The following CNTNAP2 variants were observed in gnomAD, a reference collection of about 807,000 sequenced individuals.
CNTNAP2 encodes contactin-associated protein-like 2.
Under a neutral mutation model 155.2 loss-of-function variants are expected in CNTNAP2, and 98 were observed. The observed-to-expected ratio is 0.63, with a 90% CI of 0.54 to 0.75. The LOEUF (loss-of-function observed/expected upper bound fraction) is 0.75, where lower values mean the gene tolerates loss of function less well. Among genes scored for constraint, CNTNAP2 ranks in the 30% least tolerant of loss-of-function variants. The pLI is 0.00. For synonymous variants in CNTNAP2, 651 were observed against 631.2 expected (o/e 1.03, Z -0.47); for missense variants, 1,727 against 1,688.1 (o/e 1.02, Z -0.40).
intron 13 of CNTNAP2, among the ~76,000 whole-genome samples, chr7:147,665,930 C>T (rs1004859322): frequency 6.6e-6 from 1 of 152,148 alleles, no homozygotes; most frequent in African/African-American, 2.4e-5. Context: ...ACATCACTAT[C>T]AGCAGAGGAT....
intron 1 of CNTNAP2, among the ~76,000 whole-genome samples, chr7:146,534,686 A>T (rs933910383): frequency 2.1e-4 from 32 of 151,882 alleles, no homozygotes; most frequent in African/African-American, 7.5e-4. Flanking sequence ...AATAATAAAG[A>T]TTGTTTTCAG....
At chr7:146,494,479 A>G (rs1011953737) in intron 1 of CNTNAP2, among the ~76,000 whole-genome samples, 12 of 152,168 alleles carry the variant, frequency 7.9e-5, no homozygotes, top group African/African-American at 2.9e-4. Context: ...CATAAAGAAT[A>G]TTATCTTTAA....
chr7:147,218,670 T>G (rs1359144701), intron 8 of CNTNAP2, among the ~76,000 whole-genome samples: 2 of 152,154 alleles, frequency 1.3e-5, no homozygotes, highest in Non-Finnish European at 2.9e-5. Flanking sequence ...ATTGAATATT[T>G]CCTGTGAGCT....
intron 3 of CNTNAP2, among the ~76,000 whole-genome samples, chr7:146,910,894 G>C (rs995851935): frequency 1.9e-4 from 29 of 150,786 alleles, no homozygotes; most frequent in Non-Finnish European, 2.5e-4. Flanking sequence ...GAAAATTTTC[G>C]CAACCTACTC....
At chr7:146,627,993 G>C (rs1451921351) in intron 1 of CNTNAP2, among the ~76,000 whole-genome samples, 1 of 152,016 alleles carries the variant, frequency 6.6e-6, no homozygotes, top group Non-Finnish European at 1.5e-5. Context: ...TGAGTGTGTG[G>C]TCACGTATAT....
chr7:147,864,837 A>G lies in CNTNAP2; in HGVS notation c.2099-38728A>G, dbSNP rs190105889. Among the ~76,000 whole-genome samples the G allele has an allele frequency of 3.5e-3, 535 of 152,208 alleles. 2 individuals are homozygous for G. Among genetic ancestry groups the G allele is most frequent in the African/African-American group, 0.012 (482 of 41,518 alleles). ...TAAGGAGATTTGGGGCTGAGACGAT[A>G]GGGTTTTCTAAATATACAATCATGT... On this transcript the variant is annotated intron_variant, in intron 13 of 23. Coordinates refer to ENST00000361727, the MANE Select transcript of CNTNAP2 (RefSeq NM_014141.6).
Position 147,591,223 on chromosome 7 carries a change from TG to T in CNTNAP2, c.1897+28969del, listed in dbSNP as rs1281108311. ...GCTGCCATAACAAAATACCATGGAC[TG>T]GGTAGCTTAAACAATAGAAATGTAT... On this transcript the variant is annotated intron_variant, in intron 12 of 23. Transcript: ENST00000361727. 7.2e-5 allele frequency among the ~76,000 whole-genome samples: 11 copies of T among 152,352 alleles called. No individual in the cohort carries two copies. The South Asian group carries it at 2.3e-3, about 32-fold the overall frequency.
chr7:147,636,625 T>C (rs534697236), intron 12 of CNTNAP2, among the ~76,000 whole-genome samples: 14 of 152,070 alleles, frequency 9.2e-5, no homozygotes, highest in Admixed American at 2.6e-4. Context: ...CCCTGGTGTG[T>C]GATATTCTCC....
intron 16 of CNTNAP2, among the ~76,000 whole-genome samples, chr7:148,143,968 T>C (rs1311669014): frequency 6.6e-6 from 1 of 152,174 alleles, no homozygotes; most frequent in Non-Finnish European, 1.5e-5. Context: ...CTTCATTAAA[T>C]CCAGATCCAT....
chr7:148,260,791 A>G (rs1005837910), intron 20 of CNTNAP2, among the ~76,000 whole-genome samples: 5 of 152,206 alleles, frequency 3.3e-5, no homozygotes, highest in East Asian at 1.9e-4. Flanking sequence ...CTGAGAGTTA[A>G]GTTGACGTAG....
At chr7:146,117,811 T>C (rs1797508393) in intron 1 of CNTNAP2, among the ~76,000 whole-genome samples, 2 of 152,154 alleles carry the variant, frequency 1.3e-5, no homozygotes, top group African/African-American at 4.8e-5. Flanking sequence ...ATACTGTGCA[T>C]GTAGAGAGGA....
chr7:147,380,718 A>G (rs2116931288), intron 9 of CNTNAP2, among the ~76,000 whole-genome samples: 1 of 152,312 alleles, frequency 6.6e-6, no homozygotes, highest in South Asian at 2.1e-4. Flanking sequence ...ATATCAAATT[A>G]ACAGAATACC....
At chr7:147,761,489 T>C (rs529167794) in intron 13 of CNTNAP2, among the ~76,000 whole-genome samples, 3 of 152,332 alleles carry the variant, frequency 2.0e-5, no homozygotes, top group Admixed American at 1.3e-4. Context: ...ATATTCCTCC[T>C]GTACATCCTC....
At chr7:146,874,861 T>A (rs1356652545) in intron 3 of CNTNAP2, among the ~76,000 whole-genome samples, 1 of 152,172 alleles carries the variant, frequency 6.6e-6, no homozygotes, top group Non-Finnish European at 1.5e-5. Flanking sequence ...AGTTTCCCAA[T>A]TAGCGCTTTT....
intron 1 of CNTNAP2, among the ~76,000 whole-genome samples, chr7:146,534,029 A>C (rs939493961): frequency 6.6e-6 from 1 of 152,174 alleles, no homozygotes; most frequent in Non-Finnish European, 1.5e-5. Context: ...AAAGTTCTAC[A>C]AATGAGTCCT....
At chr7:148,037,054 C>A (rs1228119748) in intron 15 of CNTNAP2, among the ~76,000 whole-genome samples, 2 of 152,074 alleles carry the variant, frequency 1.3e-5, no homozygotes, top group Non-Finnish European at 2.9e-5. Flanking sequence ...AAAATTTTAT[C>A]CTAGGAAGTT....
intron 18 of CNTNAP2, among the ~76,000 whole-genome samples, chr7:148,198,431 AGGGACTCCTTCTGTG>A (rs1795311994): frequency 6.6e-6 from 1 of 152,186 alleles, no homozygotes; most frequent in Admixed American, 6.5e-5. Context: ...AGTGCTTTTA[AGGGACTCCTTCTGTG>A]GGGGCTTCAT....
chr7:146,150,551 G>C (rs561022409), intron 1 of CNTNAP2, among the ~76,000 whole-genome samples: 24 of 151,826 alleles, frequency 1.6e-4, no homozygotes, highest in African/African-American at 5.8e-4. Flanking sequence ...TATCTTTGTA[G>C]ATTTTTTATT....
chr7:147,590,259 G>A (rs369149349), intron 12 of CNTNAP2, among the ~76,000 whole-genome samples: 10 of 151,670 alleles, frequency 6.6e-5, no homozygotes, highest in South Asian at 2.1e-4. Flanking sequence ...GCCATAACCC[G>A]TTCCAAATTG....
Sources: allele counts gnomAD v4.1 joint callset (sites outside exome capture counted in the v4.1 genomes callset), GRCh38; gene constraint gnomAD v4.1.1; transcripts MANE v1.5; gene names NCBI Gene and HGNC (gene_info 2026-07-23, HGNC 2026-07-21).